Variants in KAZN observed in about 807,000 individuals in gnomAD.
The protein encoded by KAZN is kazrin.
Under a neutral mutation model 87.4 loss-of-function variants are expected in KAZN, and 40 were observed. The observed-to-expected ratio is 0.46, with a 90% CI of 0.36 to 0.60. The LOEUF (loss-of-function observed/expected upper bound fraction) is 0.60. KAZN is among the 20% of genes least tolerant of loss of function. The pLI, the probability that KAZN is intolerant of heterozygous loss-of-function variation, is 0.00. For synonymous variants in KAZN, 466 were observed against 458.3 expected (o/e 1.02, Z -0.22); for missense variants, 898 against 1,073.9 (o/e 0.84, Z 2.29).
intron 2 of KAZN, among the ~76,000 whole-genome samples, chr1:15,002,805 G>A (rs1036199295): frequency 2.0e-5 from 3 of 151,740 alleles, no homozygotes; most frequent in Admixed American, 6.6e-5. Flanking sequence ...GTGAAACCCC[G>A]TCTCTACTGA....
At chr1:14,464,472 T>A (rs1456688129) in intron 2 of KAZN, among the ~76,000 whole-genome samples, 2 of 152,122 alleles carry the variant, frequency 1.3e-5, no homozygotes, top group African/African-American at 4.8e-5. Context: ...TTCACTTACA[T>A]CACCTGCTTA....
intron 1 of KAZN, among the ~76,000 whole-genome samples, chr1:14,095,001 G>C (rs944199919): frequency 6.6e-6 from 1 of 151,948 alleles, no homozygotes; most frequent in African/African-American, 2.4e-5. Context: ...CCCCATTCAA[G>C]GCCCTCTGAA....
chr1:14,761,745 T>C (rs1291877346), intron 1 of KAZN, among the ~76,000 whole-genome samples: 1 of 152,146 alleles, frequency 6.6e-6, no homozygotes, highest in Non-Finnish European at 1.5e-5. Flanking sequence ...TCACTTTTCT[T>C]TTCTCAGTTC....
chr1:14,706,330 C>T (rs1308788529), intron 1 of KAZN, among the ~76,000 whole-genome samples: 1 of 152,066 alleles, frequency 6.6e-6, no homozygotes, highest in African/African-American at 2.4e-5. Flanking sequence ...AACCATCCCC[C>T]CACCCCGCCA....
intron 1 of KAZN, among the ~76,000 whole-genome samples, chr1:13,986,363 A>G (rs1639017378): frequency 6.6e-6 from 1 of 152,230 alleles, no homozygotes; most frequent in South Asian, 2.1e-4. Flanking sequence ...TAATTTTCAC[A>G]TTCCTTAACT....
chr1:13,904,867 C>T (rs1639378466), intron 1 of KAZN, among the ~76,000 whole-genome samples: 2 of 152,162 alleles, frequency 1.3e-5, no homozygotes, highest in African/African-American at 4.8e-5. Context: ...TTCTTTCTAT[C>T]CCTCCTTTAG....
At chr1:14,681,611 G>GTA (rs1430490499) in intron 1 of KAZN, among the ~76,000 whole-genome samples, 134 of 33,854 alleles carry the variant, frequency 4.0e-3, no homozygotes, top group African/African-American at 9.3e-3. Flanking sequence ...ATATGTATAT[G>GTA]TGTATATATA....
chr1:14,052,537 GAA>G (rs58382432), intron 1 of KAZN, among the ~76,000 whole-genome samples: 6 of 141,792 alleles, frequency 4.2e-5, no homozygotes, highest in African/African-American at 1.0e-4. Context: ...GTGTGGGGTG[GAA>G]AAAAAAAAAA....
At chr1:14,205,968 A>G (rs189826429) in intron 2 of KAZN, among the ~76,000 whole-genome samples, 7 of 149,430 alleles carry the variant, frequency 4.7e-5, no homozygotes, top group Admixed American at 2.7e-4. Flanking sequence ...GCATGTATAC[A>G]TATGTAAGAA....
intron 1 of KAZN, among the ~76,000 whole-genome samples, chr1:14,697,558 C>T (rs770434816): frequency 6.6e-6 from 1 of 152,182 alleles, no homozygotes; most frequent in Non-Finnish European, 1.5e-5. Flanking sequence ...TCTCTCATGG[C>T]TCTGTGATCA....
At chr1:13,958,701 T>C (rs1209298636) in intron 1 of KAZN, among the ~76,000 whole-genome samples, 1 of 151,986 alleles carries the variant, frequency 6.6e-6, no homozygotes, top group Non-Finnish European at 1.5e-5. Context: ...TCATCCAGCC[T>C]GGGAGAACTG....
In KAZN at chr1:14,036,023, G is replaced by C. The variant is rs151008135; in HGVS notation, c.91+142267G>C. Reference sequence around the variant, plus strand: ...AGAGAGTCTGAAAAGGCTTTATAGAGGAGGTATCATTTGAGCTGGGTTTTG... The same window carrying C: ...AGAGAGTCTGAAAAGGCTTTATAGACGAGGTATCATTTGAGCTGGGTTTTG... On this transcript the variant is annotated intron_variant, in intron 1 of 16. Transcript: ENST00000636203. Among the ~76,000 whole-genome samples, 528 of 152,332 alleles carry C rather than the reference G, an allele frequency of 3.5e-3. 4 individuals are homozygous for C. The highest frequency in any genetic ancestry group is 0.012 in the African/African-American group (500 of 41,572).
intron 2 of KAZN, among the ~76,000 whole-genome samples, chr1:14,526,407 C>T (rs761506780): frequency 3.3e-5 from 5 of 152,090 alleles, no homozygotes; most frequent in African/African-American, 7.2e-5. Context: ...AGGTGACATG[C>T]GTAGACCTGG....
At chr1:14,651,932 G>T (rs1448868947) in intron 1 of KAZN, among the ~76,000 whole-genome samples, 2 of 152,174 alleles carry the variant, frequency 1.3e-5, no homozygotes, top group African/African-American at 4.8e-5. Context: ...AATCCTTTTG[G>T]GATGGAAATA....
At chr1:14,896,614 C>T (rs532288734) in intron 1 of KAZN, among the ~76,000 whole-genome samples, 7 of 152,124 alleles carry the variant, frequency 4.6e-5, no homozygotes, top group African/African-American at 7.2e-5. Context: ...GAGCAGGCTG[C>T]GGCTGTATCA....
chr1:14,816,389 C>A (rs542773292), intron 1 of KAZN, among the ~76,000 whole-genome samples: 1 of 152,248 alleles, frequency 6.6e-6, no homozygotes, highest in South Asian at 2.1e-4. Context: ...CTGCTATGCT[C>A]CCTCAGGTTG....
At chr1:14,879,388 G>T (rs925233026) in intron 1 of KAZN, among the ~76,000 whole-genome samples, 1 of 152,232 alleles carries the variant, frequency 6.6e-6, no homozygotes, top group African/African-American at 2.4e-5. Flanking sequence ...CATATATGAT[G>T]ATTGAGAAGT....
At chr1:14,269,224 A>G (rs1651732066) in intron 2 of KAZN, among the ~76,000 whole-genome samples, 1 of 152,182 alleles carries the variant, frequency 6.6e-6, no homozygotes, top group African/African-American at 2.4e-5. Context: ...CCACGTATAT[A>G]AACAGATACA....
At position 15,114,310 on chromosome 1, in the gene KAZN, C is replaced by T. The variant is rs1641763045; in HGVS notation, c.2164-161C>T. 4.8e-6 allele frequency: 3 copies of T among 625,034 alleles called. No individual in the cohort carries two copies. The South Asian group carries it at 6.4e-5, about 13-fold the overall frequency. 38.7% of individuals were successfully genotyped at this position (625,034 alleles called of 1,614,324 possible). A position where few individuals can be genotyped will look rare whatever the true frequency, so the allele number is the denominator to read the frequency against. ...TGGTCATTCACAAACTCCCCTCAAC[C>T]TCCCTGAGCAGGGAGTATTATTACT... On this transcript the variant is annotated intron_variant, in intron 14 of 14. Coordinates refer to ENST00000376030, the MANE Select transcript of KAZN (RefSeq NM_201628.3).
Sources: allele counts gnomAD v4.1 joint callset (sites outside exome capture counted in the v4.1 genomes callset), GRCh38; gene constraint gnomAD v4.1.1; transcripts MANE v1.5; gene names NCBI Gene and HGNC (gene_info 2026-07-23, HGNC 2026-07-21).